SLC9A9: variants seen among roughly 807,000 people sequenced by gnomAD.
SLC9A9 encodes solute carrier family 9 member A9.
SLC9A9 carries 62 observed loss-of-function variants against 77.8 expected under a neutral mutation model. The ratio of observed to expected loss-of-function variants is 0.80; its 90% CI spans 0.65 to 0.98. SLC9A9 has a LOEUF of 0.98. SLC9A9 is among the 50% of genes least tolerant of loss of function. The pLI is 0.00. For synonymous variants in SLC9A9, 320 were observed against 283.5 expected (o/e 1.13, Z -1.29); for missense variants, 775 against 774.9 (o/e 1.00, Z 0.00).
intron 14 of SLC9A9, among the ~76,000 whole-genome samples, chr3:143,319,055 T>C (rs1307222477): frequency 6.6e-6 from 1 of 152,216 alleles, no homozygotes; most frequent in Non-Finnish European, 1.5e-5. Context: ...CCAACTACTA[T>C]GTAAAGATAA....
chr3:143,437,314 T>C lies in SLC9A9; in HGVS notation c.1469+29723A>G, dbSNP rs1028323936. Among the ~76,000 whole-genome samples the C allele has an allele frequency of 1.6e-4, 25 of 152,224 alleles. 1 individual carries two copies. The highest frequency in any genetic ancestry group is 5.5e-4 in the African/African-American group (23 of 41,458). On this transcript the variant is annotated intron_variant, in intron 12 of 15. Transcript: ENST00000316549. ...ATTCCTAGTCCCACATTCCTTCCTC[T>C]GTTTGCTTGCAAGCCCTCTCCCCTC...
intron 5 of SLC9A9, among the ~76,000 whole-genome samples, chr3:143,683,329 A>G (rs1326724419): frequency 1.3e-5 from 2 of 152,178 alleles, no homozygotes; most frequent in Non-Finnish European, 2.9e-5. Context: ...TTTCACTTAC[A>G]GAAATATGAG....
intron 14 of SLC9A9, among the ~76,000 whole-genome samples, chr3:143,328,581 G>T (rs1416742572): frequency 1.3e-5 from 2 of 152,156 alleles, no homozygotes; most frequent in Non-Finnish European, 2.9e-5. Flanking sequence ...TCAAAGCCCA[G>T]TGCAATGCCA....
chr3:143,557,825 T>C (rs1457474891), intron 8 of SLC9A9, among the ~76,000 whole-genome samples: 4 of 152,084 alleles, frequency 2.6e-5, no homozygotes, highest in Admixed American at 6.6e-5. Context: ...ACAGAAAACA[T>C]TGGAAAATTT....
chr3:143,551,761 C>T (rs544196330), intron 9 of SLC9A9, among the ~76,000 whole-genome samples: 29 of 152,300 alleles, frequency 1.9e-4, no homozygotes, highest in South Asian at 6.2e-4. Flanking sequence ...GTCTTGATAA[C>T]GAACCTCTTG....
At chr3:143,633,752 C>G (rs977059734) in intron 6 of SLC9A9, among the ~76,000 whole-genome samples, 1 of 152,108 alleles carries the variant, frequency 6.6e-6, no homozygotes, top group Non-Finnish European at 1.5e-5. Context: ...CTATCTATTT[C>G]TTTATTGTTT....
At chr3:143,627,980 G>A (rs779252172) in intron 6 of SLC9A9, among the ~76,000 whole-genome samples, 5 of 152,224 alleles carry the variant, frequency 3.3e-5, no homozygotes, top group Non-Finnish European at 5.9e-5. Context: ...CAGGAGGGCA[G>A]CCCATTATTT....
Position 143,614,151 on chromosome 3 carries a change from T to C in SLC9A9, c.756-35428A>G, listed in dbSNP as rs555207364. On this transcript the variant is annotated intron_variant, in intron 6 of 15. Coordinates refer to ENST00000316549, the MANE Select transcript of SLC9A9 (RefSeq NM_173653.4). ...CCTTCCTTAGTTTCCTCTGGGAGAC[T>C]TCACCAAGGCAGGCAATAAGGGTAC... 1.4e-4 allele frequency among the ~76,000 whole-genome samples: 22 copies of C among 152,284 alleles called. 1 individual carries two copies. The highest frequency in any genetic ancestry group is 1.2e-3 in the Admixed American group (19 of 15,304).
At chr3:143,437,300 C>T (rs1283379189) in intron 12 of SLC9A9, among the ~76,000 whole-genome samples, 2 of 152,204 alleles carry the variant, frequency 1.3e-5, no homozygotes, top group Non-Finnish European at 2.9e-5. Context: ...TTCCTAGTCC[C>T]ACATTCCTTC....
chr3:143,800,963 CA>C (rs1307764266), intron 2 of SLC9A9, among the ~76,000 whole-genome samples: 1 of 152,204 alleles, frequency 6.6e-6, no homozygotes, highest in African/African-American at 2.4e-5. Flanking sequence ...ACACCTTCTA[CA>C]AAACAACAAC....
chr3:143,633,512 T>C (rs2038462604), intron 6 of SLC9A9, among the ~76,000 whole-genome samples: 1 of 152,186 alleles, frequency 6.6e-6, no homozygotes, highest in East Asian at 1.9e-4. Context: ...TGTTTGTATG[T>C]AGCACAGTAT....
At chr3:143,730,349 G>A (rs1934768183) in intron 4 of SLC9A9, among the ~76,000 whole-genome samples, 1 of 152,128 alleles carries the variant, frequency 6.6e-6, no homozygotes, top group Admixed American at 6.5e-5. Flanking sequence ...TCTTTTTCTG[G>A]TTCAGCATTC....
chr3:143,560,789 A>AT (rs2037071218), intron 8 of SLC9A9, among the ~76,000 whole-genome samples: 1 of 152,222 alleles, frequency 6.6e-6, no homozygotes, highest in South Asian at 2.1e-4. Flanking sequence ...AGGCTGTCAT[A>AT]TTTTTTACCA....
At chr3:143,408,326 T>C (rs565840959) in intron 12 of SLC9A9, among the ~76,000 whole-genome samples, 3 of 152,298 alleles carry the variant, frequency 2.0e-5, no homozygotes, top group South Asian at 2.1e-4. Flanking sequence ...TATTGCATAT[T>C]GGGGCTCTGA....
intron 8 of SLC9A9, among the ~76,000 whole-genome samples, chr3:143,557,203 C>G (rs975228158): frequency 1.1e-4 from 17 of 152,134 alleles, no homozygotes; most frequent in Non-Finnish European, 2.2e-4. Flanking sequence ...TGCACTCATT[C>G]TCTCTCTTGC....
intron 12 of SLC9A9, among the ~76,000 whole-genome samples, chr3:143,456,257 T>C (rs901687794): frequency 1.3e-5 from 2 of 152,216 alleles, no homozygotes; most frequent in Non-Finnish European, 1.5e-5. Context: ...TCCCACTTAA[T>C]TGTAATGTGT....
At chr3:143,518,193 C>G in intron 9 of SLC9A9, 2 of 1,599,026 alleles carry the variant, frequency 1.3e-6, no homozygotes, top group East Asian at 4.5e-5. Flanking sequence ...CACATTTTCA[C>G]AAAGGCCCGA....
At chr3:143,787,213 T>C (rs2008080416) in intron 4 of SLC9A9, among the ~76,000 whole-genome samples, 1 of 152,182 alleles carries the variant, frequency 6.6e-6, no homozygotes, top group Admixed American at 6.5e-5. Flanking sequence ...GCTCCCATCA[T>C]TTGTTGTCTC....
intron 4 of SLC9A9, among the ~76,000 whole-genome samples, chr3:143,732,109 C>T (rs1934820351): frequency 2.0e-5 from 3 of 152,168 alleles, no homozygotes; most frequent in Non-Finnish European, 4.4e-5. Context: ...GGAGCTGTCA[C>T]TTGATGTTTA....
Sources: gnomAD v4.1 joint callset for allele counts (sites outside exome capture counted in the v4.1 genomes callset) on GRCh38, gnomAD v4.1.1 for gene constraint, MANE v1.5 for transcripts, NCBI Gene and HGNC (gene_info 2026-07-23, HGNC 2026-07-21) for gene names.